CRADD: variants seen among roughly 807,000 people sequenced by gnomAD.
The protein encoded by CRADD is CARD and death domain containing adaptor protein.
A neutral mutation model predicts 15.5 loss-of-function variants in CRADD; 9 were observed. The ratio of observed to expected loss-of-function variants is 0.58; its 90% CI spans 0.35 to 1.01. The LOEUF (loss-of-function observed/expected upper bound fraction) is 1.01. CRADD is among the 50% of genes least tolerant of loss of function. CRADD has a pLI of 0.02. For missense variants in CRADD, 227 were observed against 250.3 expected, an observed-to-expected ratio of 0.91 and a Z score of 0.63; for synonymous variants, 118 against 107.6, an observed-to-expected ratio of 1.10 and a Z score of -0.60.
At chr12:93,816,345 T>C (rs561284629) in intron 2 of CRADD, among the ~76,000 whole-genome samples, 3 of 150,770 alleles carry the variant, frequency 2.0e-5, no homozygotes, top group Non-Finnish European at 4.4e-5. Flanking sequence ...GCCTCCCAAG[T>C]AGCTGGGATT....
intron 2 of CRADD, among the ~76,000 whole-genome samples, chr12:93,858,629 C>T (rs1174738554): frequency 6.6e-6 from 1 of 152,184 alleles, no homozygotes; most frequent in Non-Finnish European, 1.5e-5. Context: ...TGTCTCTCAC[C>T]CCTCATTCTC....
At chr12:93,858,563 A>G (rs1192453307) in intron 2 of CRADD, among the ~76,000 whole-genome samples, 5 of 152,172 alleles carry the variant, frequency 3.3e-5, no homozygotes, top group Non-Finnish European at 4.4e-5. Context: ...CCAAAATGAA[A>G]GCCTCCAAAG....
intron 2 of CRADD, among the ~76,000 whole-genome samples, chr12:93,765,767 C>G (rs192339427): frequency 6.6e-6 from 1 of 151,444 alleles, no homozygotes; most frequent in Non-Finnish European, 1.5e-5. Flanking sequence ...TGTTAGCATT[C>G]TTTGGAAAGG....
intron 2 of CRADD, among the ~76,000 whole-genome samples, chr12:93,698,032 A>C (rs1192083849): frequency 6.6e-6 from 1 of 152,200 alleles, no homozygotes; most frequent in Admixed American, 6.5e-5. Context: ...AAGGCATTGC[A>C]CATGAGAGTC....
intron 2 of CRADD, among the ~76,000 whole-genome samples, chr12:93,836,613 ATGTAATTTC>A (rs1957975500): frequency 6.6e-6 from 1 of 152,230 alleles, no homozygotes; most frequent in Non-Finnish European, 1.5e-5. Flanking sequence ...AGATTATGCA[ATGTAATTTC>A]TCTGGTTTTA....
At position 93,829,988 on chromosome 12, in the gene CRADD, G is replaced by A. The variant is rs548688282; in HGVS notation, c.299-19982G>A. Among the ~76,000 whole-genome samples, 7 of 152,218 alleles carry A rather than the reference G, an allele frequency of 4.6e-5. No individual in the cohort carries two copies. The East Asian group carries it at 9.7e-4, about 21-fold the overall frequency. On this transcript the variant is annotated intron_variant, in intron 2 of 2. Transcript: ENST00000332896. ...ATTACAGGCATCAGCCACCACGCCCGGCGGTTATTTCAACAGTTGCTTATG... is the reference window on the plus strand; with the variant it reads ...ATTACAGGCATCAGCCACCACGCCCAGCGGTTATTTCAACAGTTGCTTATG...
In CRADD at chr12:93,678,793, CAA is replaced by C; in HGVS notation, c.20_21del (p.Gln7ArgfsTer60). The C allele has an allele frequency of 1.2e-6, 2 of 1,613,294 alleles. No individual in the cohort carries two copies. Among genetic ancestry groups the C allele is most frequent in the Non-Finnish European group, 1.7e-6 (2 of 1,179,536 alleles). On this transcript the variant is annotated frameshift_variant, in exon 2 of 3. Transcript: ENST00000332896. LOFTEE classifies it high-confidence loss of function. MEARDK[Q>X]VLRSLRLELG... is the part of the protein sequence containing the mutation. ...GGGAGAAATGGAGGCCAGAGACAAA[CAA>C]GTACTCCGCTCACTTCGCCTGGAGC...
chr12:93,892,975 G>A (rs1958587202), intron 2 of CRADD, among the ~76,000 whole-genome samples: 1 of 152,168 alleles, frequency 6.6e-6, no homozygotes, highest in African/African-American at 2.4e-5. Flanking sequence ...AAAGAACACA[G>A]GCTGTGCTGT....
intron 2 of CRADD, among the ~76,000 whole-genome samples, chr12:93,685,817 C>A (rs538770487): frequency 3.4e-4 from 51 of 148,462 alleles, no homozygotes; most frequent in Admixed American, 1.3e-3. Context: ...CATGGTGAAA[C>A]CCCCATCTCT....
rs576969648 is a variant in CRADD, at chr12:93,867,871, G to A, written c.299-26179G>A. On this transcript the variant is annotated intron_variant, in intron 2 of 2. Coordinates refer to the CRADD transcript ENST00000548483. ...AAATTGATTTTCCTATTCTAAGACTGAGCCACAATGTTAGGAAATTAGAAA... is the reference window on the plus strand; with the variant it reads ...AAATTGATTTTCCTATTCTAAGACTAAGCCACAATGTTAGGAAATTAGAAA... 4.6e-5 allele frequency among the ~76,000 whole-genome samples: 7 copies of A among 152,248 alleles called. No individual in the cohort carries two copies. The South Asian group carries it at 1.4e-3, about 31-fold the overall frequency.
At chr12:93,760,426 T>C (rs1256211337) in intron 2 of CRADD, among the ~76,000 whole-genome samples, 1 of 152,204 alleles carries the variant, frequency 6.6e-6, no homozygotes, top group Non-Finnish European at 1.5e-5. Flanking sequence ...TTTTATTTAC[T>C]ATGAGAGATC....
intron 2 of CRADD, among the ~76,000 whole-genome samples, chr12:93,695,707 A>G (rs1955688149): frequency 6.6e-6 from 1 of 152,230 alleles, no homozygotes; most frequent in Non-Finnish European, 1.5e-5. Flanking sequence ...GTTCAAGAGC[A>G]GCCTGGCCAA....
At chr12:93,892,259 T>A (rs1466056572) in intron 2 of CRADD, among the ~76,000 whole-genome samples, 1 of 152,160 alleles carries the variant, frequency 6.6e-6, no homozygotes, top group Non-Finnish European at 1.5e-5. Flanking sequence ...TGATTTTAAA[T>A]TTCAATATTT....
intron 2 of CRADD, among the ~76,000 whole-genome samples, chr12:93,839,178 C>T (rs1414403736): frequency 6.6e-6 from 1 of 152,050 alleles, no homozygotes; most frequent in Non-Finnish European, 1.5e-5. Context: ...GCCAGTATTC[C>T]CTATGTGCTG....
intron 2 of CRADD, among the ~76,000 whole-genome samples, chr12:93,845,803 C>T (rs901575218): frequency 2.6e-5 from 4 of 152,072 alleles, no homozygotes; most frequent in Non-Finnish European, 4.4e-5. Context: ...ATGTACATAA[C>T]ATAGAATTTG....
At chr12:93,812,414 T>A (rs1275354976) in intron 2 of CRADD, among the ~76,000 whole-genome samples, 1 of 151,836 alleles carries the variant, frequency 6.6e-6, no homozygotes, top group Admixed American at 6.6e-5. Context: ...TCAAAAAAAA[T>A]TCATAATCCT....
chr12:93,795,242 A>G (rs1212292789), intron 2 of CRADD, among the ~76,000 whole-genome samples: 1 of 152,142 alleles, frequency 6.6e-6, no homozygotes, highest in Non-Finnish European at 1.5e-5. Flanking sequence ...TTTGTTTGTG[A>G]TTTAGGATCA....
At chr12:93,825,264 T>C (rs1957811369) in intron 2 of CRADD, among the ~76,000 whole-genome samples, 1 of 152,220 alleles carries the variant, frequency 6.6e-6, no homozygotes, top group South Asian at 2.1e-4. Context: ...AACCAGAGAC[T>C]TAGCAAGACA....
At chr12:93,795,619 C>G (rs1040637225) in intron 2 of CRADD, among the ~76,000 whole-genome samples, 1 of 152,192 alleles carries the variant, frequency 6.6e-6, no homozygotes, top group Non-Finnish European at 1.5e-5. Context: ...CTCCTTTGCT[C>G]TAAGACTCAC....
Sources: gnomAD v4.1 joint callset for allele counts (sites outside exome capture counted in the v4.1 genomes callset) on GRCh38, gnomAD v4.1.1 for gene constraint, MANE v1.5 for transcripts, NCBI Gene and HGNC (gene_info 2026-07-23, HGNC 2026-07-21) for gene names.